Variants in ACTR3C observed in about 807,000 individuals in gnomAD.
ACTR3C encodes the protein actin-related protein 3C.
ACTR3C carries 18 observed loss-of-function variants against 26.3 expected under a neutral mutation model. The observed-to-expected ratio is 0.68, with a 90% CI of 0.47 to 1.01. The LOEUF is 1.01. Among genes scored for constraint, ACTR3C ranks in the 50% least tolerant of loss-of-function variants. The probability of loss-of-function intolerance (pLI) is 0.00; values close to 1 mark genes in which losing one functional copy is unlikely to be tolerated. For synonymous variants in ACTR3C, 55 were observed against 94.5 expected (o/e 0.58, Z 2.42); for missense variants, 184 against 250.7 (o/e 0.73, Z 1.80).
chr7:150,299,234 G>A (rs1352125536), intron 1 of ACTR3C, among the ~76,000 whole-genome samples: 1 of 150,912 alleles, frequency 6.6e-6, no homozygotes, highest in South Asian at 2.1e-4. Context: ...CCACCACTTC[G>A]GCCTCCCAAA....
chr7:150,193,993 C>CACACAA, the ACTR3C span, among the ~76,000 whole-genome samples: 2 of 110,658 alleles, frequency 1.8e-5, no homozygotes, highest in Non-Finnish European at 3.7e-5. Context: ...CACACACAGA[C>CACACAA]ACACACACAC....
At chr7:150,123,703 G>A in the ACTR3C span, among the ~76,000 whole-genome samples, 1 of 151,566 alleles carries the variant, frequency 6.6e-6, no homozygotes, top group Non-Finnish European at 1.5e-5. Flanking sequence ...CTCCTAGAGA[G>A]AAAAAAAAGA....
chr7:150,158,967 G>GCACACACAGA, the ACTR3C span, among the ~76,000 whole-genome samples: 1 of 67,772 alleles, frequency 1.5e-5, no homozygotes, highest in African/African-American at 7.3e-5. Context: ...ACACACGTGC[G>GCACACACAGA]CACACACAGG....
the ACTR3C span, among the ~76,000 whole-genome samples, chr7:149,981,910 G>T: frequency 7.2e-5 from 11 of 152,222 alleles, no homozygotes; most frequent in Non-Finnish European, 1.6e-4. Flanking sequence ...CCGATGAATA[G>T]TTTCTTACCT....
At chr7:150,070,023 C>G in the ACTR3C span, among the ~76,000 whole-genome samples, 6 of 152,138 alleles carry the variant, frequency 3.9e-5, no homozygotes, top group Non-Finnish European at 7.3e-5. Context: ...GGACGCCTTC[C>G]CAAGAACTGA....
At chr7:149,908,348 A>G in the ACTR3C span, among the ~76,000 whole-genome samples, 4 of 152,198 alleles carry the variant, frequency 2.6e-5, no homozygotes, top group Non-Finnish European at 5.9e-5. Flanking sequence ...CAGACCAATC[A>G]TGCCTGTCAT....
intron 4 of ACTR3C, among the ~76,000 whole-genome samples, chr7:150,287,335 A>G (rs1306717054): frequency 1.3e-5 from 2 of 151,494 alleles, no homozygotes; most frequent in East Asian, 3.9e-4. Flanking sequence ...AAGCAGAGTC[A>G]GGTGGGAGGA....
chr7:150,254,784 A>C (rs1351848689), intron 6 of ACTR3C, among the ~76,000 whole-genome samples: 1 of 152,188 alleles, frequency 6.6e-6, no homozygotes, highest in Non-Finnish European at 1.5e-5. Flanking sequence ...CTTCCATGGC[A>C]GTGCTCGTTA....
At chr7:150,036,279 T>C in the ACTR3C span, among the ~76,000 whole-genome samples, 29,081 of 144,268 alleles carry the variant, frequency 0.2, 2,341 homozygotes, top group Non-Finnish European at 0.25. Flanking sequence ...ATTTGCTTCT[T>C]GTACTAGCAG....
At chr7:149,924,909 G>A in the ACTR3C span, among the ~76,000 whole-genome samples, 1 of 152,186 alleles carries the variant, frequency 6.6e-6, no homozygotes, top group Non-Finnish European at 1.5e-5. Flanking sequence ...AATTACAGGT[G>A]TGAGCCACTG....
the ACTR3C span, among the ~76,000 whole-genome samples, chr7:150,207,863 C>T: frequency 2.0e-5 from 3 of 150,280 alleles, no homozygotes; most frequent in African/African-American, 7.6e-5. Context: ...AAAATTTAGC[C>T]TAATTTAAAA....
the ACTR3C span, among the ~76,000 whole-genome samples, chr7:150,161,222 A>ATTTTTTTTTTTTTTTTTTTTTTT: frequency 1.7e-5 from 2 of 120,382 alleles, no homozygotes; most frequent in African/African-American, 7.1e-5. Context: ...ATATATATAT[A>ATTTTTTTTTTTTTTTTTTTTTTT]TATTTATTAT....
At chr7:150,174,115 G>T in the ACTR3C span, among the ~76,000 whole-genome samples, 2 of 139,072 alleles carry the variant, frequency 1.4e-5, no homozygotes, top group Non-Finnish European at 3.0e-5. Flanking sequence ...ACATTTTCAG[G>T]TATCTTTTCA....
At chr7:149,966,852 T>C in the ACTR3C span, among the ~76,000 whole-genome samples, 1 of 148,336 alleles carries the variant, frequency 6.7e-6, no homozygotes, top group African/African-American at 2.6e-5. Flanking sequence ...CTTTTCTTTT[T>C]TCTTTCCTTT....
the ACTR3C span, among the ~76,000 whole-genome samples, chr7:150,090,327 G>A: frequency 6.6e-6 from 1 of 152,242 alleles, no homozygotes; most frequent in African/African-American, 2.4e-5. Flanking sequence ...AGAGCCCTCT[G>A]GGCTTCCATT....
chr7:150,001,735 C>A, the ACTR3C span: 1 of 151,508 alleles, frequency 6.6e-6, no homozygotes, highest in African/African-American at 2.4e-5. Context: ...AGACAGCAAC[C>A]CAGCCTGGGC....
chr7:150,037,065 G>T, the ACTR3C span, among the ~76,000 whole-genome samples: 2 of 108,042 alleles, frequency 1.9e-5, no homozygotes, highest in Admixed American at 8.3e-5. Context: ...CCACCCTCGC[G>T]GGGGGTGCCT....
At chr7:150,320,243 T>C (rs1040855931) in intron 1 of ACTR3C, among the ~76,000 whole-genome samples, 2 of 152,264 alleles carry the variant, frequency 1.3e-5, no homozygotes, top group African/African-American at 2.4e-5. Flanking sequence ...GAAACTAATC[T>C]ATTAGAGTAG....
In ACTR3C at chr7:150,265,122, G is replaced by A. The variant is rs186387497; in HGVS notation, c.565-16068C>T. Among the ~76,000 whole-genome samples the A allele has an allele frequency of 5.3e-5, 8 of 152,174 alleles. No individual in the cohort carries two copies. In the East Asian group the frequency reaches 7.7e-4, roughly 15 times the overall value. On this transcript the variant is annotated intron_variant, in intron 6 of 7. Transcript: ENST00000683684. ...AGGCCAGTTTACCCAGCCAAACTGA[G>A]AGCTGGATTTCAGACAATAAGAAAG...
Sources: gnomAD v4.1 joint callset for allele counts (sites outside exome capture counted in the v4.1 genomes callset) on GRCh38, gnomAD v4.1.1 for gene constraint, MANE v1.5 for transcripts, NCBI Gene and HGNC (gene_info 2026-07-23, HGNC 2026-07-21) for gene names.